SBF2: variants seen among roughly 807,000 people sequenced by gnomAD.
SBF2 encodes the protein myotubularin-related protein 13.
A neutral mutation model predicts 225.2 loss-of-function variants in SBF2; 112 were observed. The ratio of observed to expected loss-of-function variants is 0.50; its 90% CI spans 0.43 to 0.58. The LOEUF (loss-of-function observed/expected upper bound fraction) is 0.58. SBF2 is among the 20% of genes least tolerant of loss of function. SBF2 has a pLI of 0.00. For missense variants in SBF2, 1,996 were observed against 2,206.2 expected, an observed-to-expected ratio of 0.90 and a Z score of 1.91; for synonymous variants, 763 against 773.3, an observed-to-expected ratio of 0.99 and a Z score of 0.22.
At chr11:9,794,206 T>C (rs1237562372) in intron 33 of SBF2, among the ~76,000 whole-genome samples, 1 of 150,538 alleles carries the variant, frequency 6.6e-6, no homozygotes, top group Non-Finnish European at 1.5e-5. Context: ...CAAAACAAAA[T>C]ACCACTGCCC....
chr11:10,121,293 T>G (rs1953435151), intron 2 of SBF2, among the ~76,000 whole-genome samples: 1 of 152,234 alleles, frequency 6.6e-6, no homozygotes, highest in African/African-American at 2.4e-5. Context: ...AAGACTGGTT[T>G]GCTTCTTCCA....
intron 1 of SBF2, among the ~76,000 whole-genome samples, chr11:10,219,657 C>G (rs1168507405): frequency 6.6e-6 from 1 of 152,102 alleles, no homozygotes; most frequent in African/African-American, 2.4e-5. Flanking sequence ...AATGCTCTGC[C>G]GCTTAGAAAT....
chr11:9,793,359 A>G (rs1292820492), intron 33 of SBF2, among the ~76,000 whole-genome samples: 1 of 151,988 alleles, frequency 6.6e-6, no homozygotes, highest in African/African-American at 2.4e-5. Flanking sequence ...CAGACTTGGC[A>G]GCATAATGGG....
At chr11:10,100,747 G>T (rs1037636269) in intron 2 of SBF2, among the ~76,000 whole-genome samples, 1 of 151,992 alleles carries the variant, frequency 6.6e-6, no homozygotes, top group Non-Finnish European at 1.5e-5. Flanking sequence ...TGGAGTATCC[G>T]TCTGTAGCCC....
intron 1 of SBF2, among the ~76,000 whole-genome samples, chr11:10,235,442 G>T (rs144020456): frequency 1.3e-5 from 2 of 151,392 alleles, no homozygotes; most frequent in Admixed American, 6.6e-5. Context: ...CAGGAGAATC[G>T]CTTGAACCCG....
At chr11:10,177,615 C>A (rs1272685435) in intron 2 of SBF2, among the ~76,000 whole-genome samples, 1 of 150,676 alleles carries the variant, frequency 6.6e-6, no homozygotes, top group East Asian at 2.0e-4. Context: ...GAATAAAATA[C>A]CTAGGAATCC....
intron 1 of SBF2, among the ~76,000 whole-genome samples, chr11:10,301,228 G>T (rs1297776060): frequency 6.6e-6 from 1 of 152,154 alleles, no homozygotes; most frequent in African/African-American, 2.4e-5. Flanking sequence ...CTGTGTCAGG[G>T]TTTTAAACTT....
intron 16 of SBF2, among the ~76,000 whole-genome samples, chr11:9,955,756 A>T (rs1009039090): frequency 2.0e-5 from 3 of 152,094 alleles, no homozygotes; most frequent in African/African-American, 7.2e-5. Flanking sequence ...ATGAACACCC[A>T]TGTACCTAAA....
chr11:9,852,876 C>T (rs1590225989), intron 20 of SBF2, 127 bp from the exon 21 acceptor site: 1 of 746,360 alleles, frequency 1.3e-6, no homozygotes, highest in East Asian at 2.6e-5. Flanking sequence ...AAGAGAATTA[C>T]CATTATGACC....
intron 17 of SBF2, among the ~76,000 whole-genome samples, chr11:9,867,621 G>A (rs1858339320): frequency 6.6e-6 from 1 of 152,104 alleles, no homozygotes; most frequent in South Asian, 2.1e-4. Flanking sequence ...AAACCTAAAT[G>A]TCCATCAACA....
In SBF2 at chr11:10,119,017, G is replaced by T. The variant is rs189163024; in HGVS notation, c.141+74885C>A. 3.3e-5 allele frequency among the ~76,000 whole-genome samples: 5 copies of T among 151,830 alleles called. No individual in the cohort carries two copies. In the East Asian group the frequency reaches 5.8e-4, roughly 18 times the overall value. On this transcript the variant is annotated intron_variant, in intron 2 of 39. Transcript: ENST00000256190. ...GCTACTAAAAAAAGAACAATCTGCTGTTCCAAGTTCATATCCTGCCAGTAG... is the reference window on the plus strand; with the variant it reads ...GCTACTAAAAAAAGAACAATCTGCTTTTCCAAGTTCATATCCTGCCAGTAG...
intron 16 of SBF2, among the ~76,000 whole-genome samples, chr11:9,956,198 T>C (rs1431099885): frequency 6.6e-6 from 1 of 152,194 alleles, no homozygotes; most frequent in African/African-American, 2.4e-5. Flanking sequence ...TCAAGTTTTC[T>C]GCTATTTTGA....
At chr11:10,178,639 A>AT (rs1956581366) in intron 2 of SBF2, among the ~76,000 whole-genome samples, 1 of 146,058 alleles carries the variant, frequency 6.8e-6, no homozygotes, top group Non-Finnish European at 1.5e-5. Flanking sequence ...CAAAACCACA[A>AT]TGAGATACCA....
intron 25 of SBF2, among the ~76,000 whole-genome samples, chr11:9,842,308 A>G (rs1856214945): frequency 6.6e-6 from 1 of 152,214 alleles, no homozygotes; most frequent in African/African-American, 2.4e-5. Flanking sequence ...TAGAAGGATA[A>G]GATACAGGGG....
chr11:10,143,614 T>C (rs889231857), intron 2 of SBF2, among the ~76,000 whole-genome samples: 2 of 152,224 alleles, frequency 1.3e-5, no homozygotes, highest in Non-Finnish European at 2.9e-5. Context: ...GGTAGATCAA[T>C]ATCAGTAAGA....
At position 9,780,375 on chromosome 11, in the gene SBF2, G is replaced by T; in HGVS notation, c.*43C>A. On this transcript the variant is annotated 3_prime_UTR_variant, in exon 40 of 40. Coordinates refer to ENST00000256190, the MANE Select transcript of SBF2 (RefSeq NM_030962.4). Reference sequence around the variant, plus strand: ...TGCTTCTTTTTCTATCTATCTGGCAGCATGAGTTCTTCTGTTTCTTCTGCG... The same window carrying T: ...TGCTTCTTTTTCTATCTATCTGGCATCATGAGTTCTTCTGTTTCTTCTGCG... The T allele has an allele frequency of 6.6e-7, 1 of 1,504,136 alleles. No homozygotes were observed. The highest frequency in any genetic ancestry group is 9.2e-7 in the Non-Finnish European group (1 of 1,081,822). 93.2% of individuals were successfully genotyped at this position (1,504,136 alleles called of 1,614,324 possible).
intron 6 of SBF2, among the ~76,000 whole-genome samples, chr11:10,009,266 T>C (rs1029170724): frequency 1.3e-5 from 2 of 152,220 alleles, no homozygotes; most frequent in Non-Finnish European, 2.9e-5. Flanking sequence ...CTATATATTT[T>C]TATTTATTAT....
intron 14 of SBF2, among the ~76,000 whole-genome samples, chr11:9,967,259 C>T (rs188027629): frequency 0.015 from 2,264 of 152,010 alleles, 38 homozygotes; most frequent in South Asian, 0.025. Flanking sequence ...GGAGTCCCAG[C>T]TACTCAAGAG....
chr11:9,870,877 G>A (rs1007425012), intron 17 of SBF2, among the ~76,000 whole-genome samples: 1 of 151,794 alleles, frequency 6.6e-6, no homozygotes, highest in East Asian at 1.9e-4. Context: ...GGGAGGCTGA[G>A]GCAGCAGAAT....
Sources: gnomAD v4.1 joint callset for allele counts (sites outside exome capture counted in the v4.1 genomes callset) on GRCh38, gnomAD v4.1.1 for gene constraint, MANE v1.5 for transcripts, NCBI Gene and HGNC (gene_info 2026-07-23, HGNC 2026-07-21) for gene names.